The following FER variants were observed in gnomAD, a reference collection of about 807,000 sequenced individuals.
FER encodes tyrosine-protein kinase Fer.
In FER, 63 loss-of-function variants were observed where a neutral mutation model predicts 111.0. The ratio of observed to expected loss-of-function variants is 0.57; its 90% CI spans 0.46 to 0.70. The LOEUF (loss-of-function observed/expected upper bound fraction) is 0.70, where lower values mean the gene tolerates loss of function less well. Ranked by LOEUF, FER falls within the 30% of genes least tolerant of loss-of-function variation. The pLI, the probability that FER is intolerant of heterozygous loss-of-function variation, is 0.00. For synonymous variants in FER, 327 were observed against 313.9 expected, an observed-to-expected ratio of 1.04 and a Z score of -0.44; for missense variants, 914 against 954.0, an observed-to-expected ratio of 0.96 and a Z score of 0.55.
intron 1 of FER, among the ~76,000 whole-genome samples, chr5:108,754,462 G>A (rs1246662691): frequency 6.7e-6 from 1 of 148,588 alleles, no homozygotes; most frequent in Non-Finnish European, 1.5e-5. Flanking sequence ...AACAAGTACT[G>A]AAGACATACC....
chr5:109,110,205 G>A (rs1749435426), intron 17 of FER, among the ~76,000 whole-genome samples: 1 of 152,110 alleles, frequency 6.6e-6, no homozygotes, highest in Admixed American at 6.6e-5. Context: ...GGGAACTTTA[G>A]TAATTGGGGA....
intron 5 of FER, among the ~76,000 whole-genome samples, chr5:108,855,753 A>T (rs1302371824): frequency 6.6e-6 from 1 of 152,154 alleles, no homozygotes; most frequent in Non-Finnish European, 1.5e-5. Context: ...TAAGATTTGG[A>T]GTTAGCAAAG....
At chr5:108,880,338 G>T (rs189255515) in intron 8 of FER, among the ~76,000 whole-genome samples, 1 of 152,252 alleles carries the variant, frequency 6.6e-6, no homozygotes, top group East Asian at 1.9e-4. Context: ...CATGGTCAAG[G>T]CAGTGATAAG....
chr5:109,012,146 T>A (rs1581643168), intron 13 of FER, among the ~76,000 whole-genome samples: 1 of 152,254 alleles, frequency 6.6e-6, no homozygotes, highest in East Asian at 1.9e-4. Flanking sequence ...GAAGAGGTGT[T>A]TGATTGTAAC....
chr5:108,809,585 C>T (rs758993147), intron 3 of FER, among the ~76,000 whole-genome samples: 44 of 152,054 alleles, frequency 2.9e-4, no homozygotes, highest in Non-Finnish European at 5.4e-4. Context: ...GTTTTTTAGA[C>T]AGGTTCTTGC....
chr5:108,921,073 G>A (rs1232820515), intron 10 of FER, among the ~76,000 whole-genome samples: 8 of 151,956 alleles, frequency 5.3e-5, no homozygotes, highest in Non-Finnish European at 1.2e-4. Flanking sequence ...GATAATTTCA[G>A]GTCAAATGAT....
At chr5:108,903,953 G>A (rs546764812) in intron 10 of FER, among the ~76,000 whole-genome samples, 29 of 152,256 alleles carry the variant, frequency 1.9e-4, no homozygotes, top group Admixed American at 1.8e-3. Flanking sequence ...TAAATGATAT[G>A]CCTGCTGTTC....
At chr5:109,125,045 C>CAAAAAAAAAAAA (rs373849561) in intron 17 of FER, among the ~76,000 whole-genome samples, 1 of 75,620 alleles carries the variant, frequency 1.3e-5, no homozygotes, top group Non-Finnish European at 2.8e-5. Flanking sequence ...GACTCTGTCT[C>CAAAAAAAAAAAA]AAAAAAAAAA....
intron 2 of FER, among the ~76,000 whole-genome samples, chr5:108,777,917 A>G (rs1467563373): frequency 1.3e-5 from 2 of 152,198 alleles, no homozygotes; most frequent in East Asian, 3.8e-4. Context: ...GTCATCTCCC[A>G]CAGGGTCCCT....
In FER at chr5:109,180,917, A is replaced by ATTT; in HGVS notation, c.2203+24_2203+26dup. ...CTTAATTATGGTAAGAATAGACCACATTTTTTTTTTAATGGTAAAAATGAA... is the reference window on the plus strand; with the variant it reads ...CTTAATTATGGTAAGAATAGACCACATTTTTTTTTTTTTAATGGTAAAAATGAA... On this transcript the variant is annotated intron_variant, in intron 18 of 19. Coordinates refer to ENST00000281092, the MANE Select transcript of FER (RefSeq NM_005246.4). 2 of 1,216,194 alleles carry ATTT rather than the reference A, an allele frequency of 1.6e-6. No homozygotes were observed. Among genetic ancestry groups the ATTT allele is most frequent in the South Asian group, 1.6e-5 (1 of 64,274 alleles). The allele number at this position is 1,216,194 out of a possible 1,614,324, so 75.3% of individuals were successfully genotyped here.
chr5:109,091,948 T>C (rs1310509852), intron 16 of FER, among the ~76,000 whole-genome samples: 3 of 152,182 alleles, frequency 2.0e-5, no homozygotes, highest in Admixed American at 1.3e-4. Flanking sequence ...AGTGACTTTA[T>C]AAAAAGGCTG....
Position 108,837,014 on chromosome 5 carries a change from A to G in FER, c.481+1207A>G, listed in dbSNP as rs187690030. ...CCAAGACTTTGAGATTATGGTCTCT[A>G]TTAATGTAGATATATCTTTTGAAAT... On this transcript the variant is annotated intron_variant, in intron 5 of 19. Transcript: ENST00000281092. 2.1e-3 allele frequency among the ~76,000 whole-genome samples: 320 copies of G among 152,300 alleles called. 3 individuals carry two copies. Among genetic ancestry groups the G allele is most frequent in the African/African-American group, 7.1e-3 (296 of 41,564 alleles).
intron 13 of FER, among the ~76,000 whole-genome samples, chr5:108,974,058 C>T (rs1224979966): frequency 1.3e-5 from 2 of 152,168 alleles, no homozygotes; most frequent in Non-Finnish European, 2.9e-5. Context: ...AGGAATCCCA[C>T]AGCTCTTAAG....
intron 13 of FER, among the ~76,000 whole-genome samples, chr5:108,972,503 C>T (rs766309766): frequency 4.6e-5 from 7 of 152,154 alleles, no homozygotes; most frequent in African/African-American, 9.7e-5. Flanking sequence ...TCTTCTTCCT[C>T]AGCTTACATT....
chr5:108,773,513 A>C (rs1203153365), intron 2 of FER, among the ~76,000 whole-genome samples: 1 of 152,180 alleles, frequency 6.6e-6, no homozygotes, highest in Non-Finnish European at 1.5e-5. Context: ...ATGTCCTTTC[A>C]AAGGACATAA....
chr5:109,166,742 A>G (rs1431058865), intron 17 of FER, among the ~76,000 whole-genome samples: 1 of 152,136 alleles, frequency 6.6e-6, no homozygotes, highest in African/African-American at 2.4e-5. Context: ...CTAGGGCTGG[A>G]GAGTATAACA....
intron 16 of FER, among the ~76,000 whole-genome samples, chr5:109,068,493 C>G (rs781451669): frequency 6.6e-6 from 1 of 152,126 alleles, no homozygotes; most frequent in African/African-American, 2.4e-5. Flanking sequence ...TCTGTTATTA[C>G]TCACTTTAAC....
intron 2 of FER, among the ~76,000 whole-genome samples, chr5:108,788,847 A>G (rs913826638): frequency 6.6e-6 from 1 of 152,114 alleles, no homozygotes; most frequent in Non-Finnish European, 1.5e-5. Context: ...ATTTCTATTG[A>G]TACTGTCATG....
At chr5:108,880,655 A>T (rs1395726186) in intron 8 of FER, among the ~76,000 whole-genome samples, 1 of 152,090 alleles carries the variant, frequency 6.6e-6, no homozygotes, top group African/African-American at 2.4e-5. Flanking sequence ...CAATTCTCTC[A>T]ATAACTGAAG....
Sources: gnomAD v4.1 joint callset for allele counts (sites outside exome capture counted in the v4.1 genomes callset) on GRCh38, gnomAD v4.1.1 for gene constraint, MANE v1.5 for transcripts, NCBI Gene and HGNC (gene_info 2026-07-23, HGNC 2026-07-21) for gene names.